The following TMEM268 variants were observed in gnomAD, a reference collection of about 807,000 sequenced individuals.
TMEM268 encodes the protein transmembrane protein C9orf91.
Under a neutral mutation model 39.1 loss-of-function variants are expected in TMEM268, and 24 were observed. The ratio of observed to expected loss-of-function variants is 0.61; its 90% CI spans 0.44 to 0.86. TMEM268 has a LOEUF of 0.86. Among genes scored for constraint, TMEM268 ranks in the 40% least tolerant of loss-of-function variants. The pLI is 0.00. For missense variants in TMEM268, 409 were observed against 428.6 expected, an observed-to-expected ratio of 0.95 and a Z score of 0.40; for synonymous variants, 176 against 173.5, an observed-to-expected ratio of 1.01 and a Z score of -0.12.
At chr9:114,638,817 A>G (rs1846761311) in intron 8 of TMEM268, 91 bp downstream of exon 8, 1 of 982,430 alleles carries the variant, frequency 1.0e-6, no homozygotes, top group East Asian at 3.1e-5. Context: ...ATTCCCCAAG[A>G]CATGCTTCTC....
chr9:114,635,882 G>A (rs997470296), intron 6 of TMEM268, among the ~76,000 whole-genome samples: 2 of 152,152 alleles, frequency 1.3e-5, no homozygotes, highest in African/African-American at 4.8e-5. Flanking sequence ...CAGTTGCAGC[G>A]GGAGGATGGG....
chr9:114,639,176 C>T (rs1846780797), intron 8 of TMEM268, among the ~76,000 whole-genome samples: 1 of 152,102 alleles, frequency 6.6e-6, no homozygotes, highest in African/African-American at 2.4e-5. Context: ...ACTCCCGTCA[C>T]CCAGGCTGGG....
At chr9:114,629,841 G>A (rs540513073) in intron 5 of TMEM268, among the ~76,000 whole-genome samples, 43 of 152,344 alleles carry the variant, frequency 2.8e-4, no homozygotes, top group Non-Finnish European at 2.9e-4. Context: ...ACTATATGGT[G>A]TACTCATTCT....
chr9:114,634,351 C>T (rs896908832), intron 6 of TMEM268, among the ~76,000 whole-genome samples: 1 of 152,210 alleles, frequency 6.6e-6, no homozygotes, highest in African/African-American at 2.4e-5. Flanking sequence ...TGAAGGGCTG[C>T]ATGGAGCTCA....
At chr9:114,637,208 C>T in intron 7 of TMEM268, 138 bp downstream of exon 7, 1 of 573,374 alleles carries the variant, frequency 1.7e-6, no homozygotes. Flanking sequence ...GTTGTTTTGC[C>T]TAGGGAATTA....
rs756917912 is a variant in TMEM268, at chr9:114,643,306, C to G, written c.1022C>G (p.Ala341Gly). 6.2e-7 allele frequency: 1 copy of G among 1,613,936 alleles called. No homozygotes were observed. Among genetic ancestry groups the G allele is most frequent in the Admixed American group, 1.7e-5 (1 of 60,000 alleles). The change falls in exon 9 of 9, where the codon GCG (alanine) becomes GGG (glycine). Residue 341 changes from alanine to glycine, a missense_variant. Coordinates refer to ENST00000288502, the MANE Select transcript of TMEM268 (RefSeq NM_153045.4). ...ILGTGCCPFL[A>G]R Reference sequence around the variant, plus strand: ...GGCACAGGGTGCTGCCCGTTCCTGGCGAGGTGACCTAGGGATGAAGGTACT... The same window carrying G: ...GGCACAGGGTGCTGCCCGTTCCTGGGGAGGTGACCTAGGGATGAAGGTACT...
intron 2 of TMEM268, among the ~76,000 whole-genome samples, chr9:114,619,278 C>T (rs553447318): frequency 2.2e-4 from 30 of 134,850 alleles, no homozygotes; most frequent in East Asian, 6.4e-4. Flanking sequence ...CCCCTCTGCG[C>T]GTGCGTGCAC....
rs765900268 is a variant in TMEM268 at position 114,633,753 on chromosome 9, G to A, written c.475-15G>A. 1.3e-6 allele frequency: 2 copies of A among 1,491,110 alleles called. No homozygotes were observed. Among genetic ancestry groups the A allele is most frequent in the Non-Finnish European group, 1.8e-6 (2 of 1,094,132 alleles). The allele number at this position is 1,491,110 out of a possible 1,614,324, so 92.4% of individuals were successfully genotyped here. On this transcript the variant is annotated splice_polypyrimidine_tract_variant and intron_variant, in intron 5 of 8. Transcript: ENST00000288502. ...GCATGGAGGTCTGGTGATGGGCCTG[G>A]CGTTTGTCTTACAGGCCAACACCAA... is the stretch of plus-strand genomic sequence containing the variant.
At chr9:114,605,409 T>C in the TMEM268 span, among the ~76,000 whole-genome samples, 1 of 152,144 alleles carries the variant, frequency 6.6e-6, no homozygotes, top group Admixed American at 6.5e-5. Context: ...ACATTCTTTA[T>C]TGAAAGATTT....
chr9:114,632,732 C>A (rs776224357), intron 5 of TMEM268, among the ~76,000 whole-genome samples: 3 of 152,192 alleles, frequency 2.0e-5, no homozygotes, highest in Admixed American at 6.5e-5. Flanking sequence ...TTTGATCTCC[C>A]ATCTTCCGCA....
At chr9:114,642,214 C>T (rs1200880711) in intron 8 of TMEM268, among the ~76,000 whole-genome samples, 1 of 152,142 alleles carries the variant, frequency 6.6e-6, no homozygotes, top group Non-Finnish European at 1.5e-5. Flanking sequence ...CACCCTCAAC[C>T]CCTAGAAACC....
At chr9:114,633,286 C>A (rs367649334) in intron 5 of TMEM268, among the ~76,000 whole-genome samples, 1 of 151,888 alleles carries the variant, frequency 6.6e-6, no homozygotes, top group Admixed American at 6.6e-5. Context: ...CTCAGCCTCC[C>A]GAGTAGCTGG....
intron 8 of TMEM268, among the ~76,000 whole-genome samples, chr9:114,642,294 A>C (rs1319078596): frequency 2.6e-5 from 4 of 152,064 alleles, no homozygotes; most frequent in African/African-American, 9.7e-5. Context: ...CATACAGTAC[A>C]TGTCCTTTTG....
chr9:114,618,048 C>T (rs747014289), intron 2 of TMEM268, among the ~76,000 whole-genome samples: 26 of 151,632 alleles, frequency 1.7e-4, no homozygotes, highest in Middle Eastern at 6.9e-3. Flanking sequence ...AGCTAATTTT[C>T]GTATTTTTAG....
Position 114,637,008 on chromosome 9 carries a change from G to C in TMEM268, c.604G>C (p.Asp202His). ...CCCACAGCTTTGGTTTGTCTACTTC[G>C]ACCTGGAGAACTGTGTGCAGTTTTT... ...SVIQLWFVYF[D>H]LENCVQFLSD... The change falls in exon 7 of 9, where the codon GAC (aspartate) becomes CAC (histidine). Residue 202 changes from aspartate (D) to histidine (H), a missense_variant. Physicochemically the swap from Asp to His is moderately conservative, Grantham distance 81. Transcript: ENST00000288502. 2.5e-6 allele frequency: 4 copies of C among 1,613,334 alleles called. No homozygotes were observed. The highest frequency in any genetic ancestry group is 2.5e-6 in the Non-Finnish European group (3 of 1,179,458).
intron 5 of TMEM268, among the ~76,000 whole-genome samples, chr9:114,631,282 CAAAAAAAAAAAA>C (rs3035421): frequency 1.7e-3 from 226 of 129,988 alleles, no homozygotes; most frequent in Non-Finnish European, 1.6e-3. Context: ...CAGCCTGCCT[CAAAAAAAAAAAA>C]AAAAAAAAAA....
upstream of TMEM268, among the ~76,000 whole-genome samples, chr9:114,608,500 G>C (rs947036690): frequency 6.6e-6 from 1 of 152,176 alleles, no homozygotes; most frequent in Non-Finnish European, 1.5e-5. Context: ...GAAGAGTAAA[G>C]GCAGCCTGGC....
chr9:114,625,539 G>A (rs1005112342), intron 3 of TMEM268, among the ~76,000 whole-genome samples: 6 of 150,864 alleles, frequency 4.0e-5, no homozygotes, highest in African/African-American at 1.5e-4. Context: ...GTGCTTCCTG[G>A]GTTCAAGTGA....
chr9:114,633,162 A>AT (rs566595273), intron 5 of TMEM268, among the ~76,000 whole-genome samples: 1,783 of 138,842 alleles, frequency 0.013, 13 homozygotes, highest in South Asian at 0.025. Context: ...TGCCTAGTTA[A>AT]TTTTTTTTTT....
Sources: gnomAD v4.1 joint callset for allele counts (sites outside exome capture counted in the v4.1 genomes callset) on GRCh38, gnomAD v4.1.1 for gene constraint, MANE v1.5 for transcripts, NCBI Gene and HGNC (gene_info 2026-07-23, HGNC 2026-07-21) for gene names.